FSTL5: variants seen among roughly 807,000 people sequenced by gnomAD.
FSTL5 encodes the protein follistatin-related protein 5.
Under a neutral mutation model 89.1 loss-of-function variants are expected in FSTL5, and 62 were observed. The observed-to-expected ratio is 0.70, with a 90% confidence interval of 0.57 to 0.86. The LOEUF is 0.86. Ranked by LOEUF, FSTL5 falls within the 40% of genes least tolerant of loss-of-function variation. FSTL5 has a pLI of 0.00. For synonymous variants in FSTL5, 383 were observed against 346.2 expected, an observed-to-expected ratio of 1.11 and a Z score of -1.18; for missense variants, 1,057 against 1,001.6, an observed-to-expected ratio of 1.06 and a Z score of -0.75.
chr4:161,836,365 T>A (rs1253761378), intron 4 of FSTL5, among the ~76,000 whole-genome samples: 1 of 149,788 alleles, frequency 6.7e-6, no homozygotes, highest in Non-Finnish European at 1.5e-5. Flanking sequence ...AATGACGAGT[T>A]AATGGGTGCA....
chr4:161,785,282 T>G (rs565538841), intron 4 of FSTL5, among the ~76,000 whole-genome samples: 9 of 152,170 alleles, frequency 5.9e-5, no homozygotes, highest in Non-Finnish European at 1.0e-4. Context: ...TTTCTGCAAA[T>G]TTATGTGAAA....
chr4:161,742,288 G>A (rs1331806046), intron 6 of FSTL5, among the ~76,000 whole-genome samples: 1 of 152,134 alleles, frequency 6.6e-6, no homozygotes, highest in East Asian at 1.9e-4. Flanking sequence ...CCTGTAAAGG[G>A]ACTGGATTAA....
chr4:161,853,684 A>G, intron 4 of FSTL5, among the ~76,000 whole-genome samples: 1 of 152,140 alleles, frequency 6.6e-6, no homozygotes, highest in East Asian at 1.9e-4. Flanking sequence ...GTTTGATATT[A>G]TTGGCATAAC....
Position 161,834,906 on chromosome 4 carries a change from C to T in FSTL5, c.410-58832G>A, listed in dbSNP as rs564778572. On this transcript the variant is annotated intron_variant, in intron 4 of 15. Transcript: ENST00000306100. Reference sequence around the variant, plus strand: ...GGTAATTTATAGATTCAATGCCATCCCCATCAAGCTACCAATGACTTTCTT... The same window carrying T: ...GGTAATTTATAGATTCAATGCCATCTCCATCAAGCTACCAATGACTTTCTT... Among the ~76,000 whole-genome samples, 470 of 151,086 alleles carry T rather than the reference C, an allele frequency of 3.1e-3. 1 individual carries two copies. Among genetic ancestry groups the T allele is most frequent in the Non-Finnish European group, 3.6e-3 (243 of 67,870 alleles).
At chr4:161,807,232 T>C (rs1262099830) in intron 4 of FSTL5, among the ~76,000 whole-genome samples, 1 of 124,048 alleles carries the variant, frequency 8.1e-6, no homozygotes, top group Non-Finnish European at 1.6e-5. Context: ...CACACACATA[T>C]ATATTTGTAG....
intron 7 of FSTL5, among the ~76,000 whole-genome samples, chr4:161,640,606 C>G (rs1382962655): frequency 5.3e-5 from 8 of 152,092 alleles, no homozygotes; most frequent in Non-Finnish European, 1.0e-4. Flanking sequence ...AGTAGTAAAT[C>G]ATGAAGCCTC....
Position 161,421,079 on chromosome 4 carries a change from T to C in FSTL5, c.1841+33925A>G, listed in dbSNP as rs182940837. Among the ~76,000 whole-genome samples, 528 of 152,150 alleles carry C rather than the reference T, an allele frequency of 3.5e-3. 13 individuals carry two copies. The East Asian group carries it at 0.054, about 16-fold the overall frequency. ...AGTAGAGGCTGGGCACTGTGGCTCA[T>C]GCCTGTAATCCCAGCACTTTGGGAG... On this transcript the variant is annotated intron_variant, in intron 15 of 15. Coordinates refer to ENST00000306100, the MANE Select transcript of FSTL5 (RefSeq NM_020116.5).
chr4:161,938,738 C>A (rs1734498808), intron 3 of FSTL5, among the ~76,000 whole-genome samples: 1 of 151,936 alleles, frequency 6.6e-6, no homozygotes, highest in African/African-American at 2.4e-5. Context: ...CCTTTGATTT[C>A]TACTTTGTCA....
At chr4:161,885,444 T>TA (rs894917347) in intron 4 of FSTL5, among the ~76,000 whole-genome samples, 5 of 152,166 alleles carry the variant, frequency 3.3e-5, no homozygotes, top group African/African-American at 1.2e-4. Flanking sequence ...TCCATATTTT[T>TA]AAAATTTATT....
At chr4:161,689,789 A>G (rs1358572023) in intron 6 of FSTL5, among the ~76,000 whole-genome samples, 13 of 152,106 alleles carry the variant, frequency 8.5e-5, no homozygotes, top group African/African-American at 3.1e-4. Context: ...TGTATCCATT[A>G]AGCAACTACT....
chr4:162,020,515 C>T (rs1325283327), intron 3 of FSTL5, among the ~76,000 whole-genome samples: 2 of 152,034 alleles, frequency 1.3e-5, no homozygotes, highest in Non-Finnish European at 2.9e-5. Flanking sequence ...CCATAGTTAA[C>T]ACTCACCATA....
intron 1 of FSTL5, among the ~76,000 whole-genome samples, chr4:162,155,517 A>C (rs2110747334): frequency 6.6e-6 from 1 of 152,338 alleles, no homozygotes; most frequent in East Asian, 1.9e-4. Flanking sequence ...TATGTGGCTA[A>C]GTCTGTGATA....
At position 162,068,050 on chromosome 4, in the gene FSTL5, A is replaced by T. The variant is rs187218185; in HGVS notation, c.127-34392T>A. Among the ~76,000 whole-genome samples, 164 of 151,964 alleles carry T rather than the reference A, an allele frequency of 1.1e-3. 1 individual carries two copies. Among genetic ancestry groups the T allele is most frequent in the African/African-American group, 3.3e-3 (138 of 41,530 alleles). Reference sequence around the variant, plus strand: ...ACCAGAGCTCAAGGAAACAATAAAAAATGACACAAACAAATGGAAAAACAT... The same window carrying T: ...ACCAGAGCTCAAGGAAACAATAAAATATGACACAAACAAATGGAAAAACAT... On this transcript the variant is annotated intron_variant, in intron 2 of 15. Coordinates refer to ENST00000306100, the MANE Select transcript of FSTL5 (RefSeq NM_020116.5).
chr4:162,006,105 T>TAAAA (rs555341783), intron 3 of FSTL5, among the ~76,000 whole-genome samples: 4 of 151,798 alleles, frequency 2.6e-5, no homozygotes, highest in African/African-American at 9.7e-5. Flanking sequence ...GCTTTTTTTT[T>TAAAA]AAAATATTAT....
chr4:161,992,498 G>A (rs924702571), intron 3 of FSTL5, among the ~76,000 whole-genome samples: 1 of 151,988 alleles, frequency 6.6e-6, no homozygotes, highest in East Asian at 1.9e-4. Flanking sequence ...GGGAAAGACA[G>A]GGGGAGGAGC....
chr4:161,739,832 A>G (rs11933833), intron 6 of FSTL5, among the ~76,000 whole-genome samples: 84,312 of 151,764 alleles, frequency 0.56, 26,798 homozygotes, highest in Non-Finnish European at 0.71. Context: ...AAAACTGGGC[A>G]TAATTGGACT....
chr4:161,989,722 G>T (rs1736060128), intron 3 of FSTL5, among the ~76,000 whole-genome samples: 1 of 152,116 alleles, frequency 6.6e-6, no homozygotes, highest in African/African-American at 2.4e-5. Flanking sequence ...GGCAGAGGTT[G>T]CATTGGGAAG....
intron 2 of FSTL5, among the ~76,000 whole-genome samples, chr4:162,048,211 CA>C (rs1237456305): frequency 1.3e-5 from 2 of 151,940 alleles, no homozygotes; most frequent in Non-Finnish European, 2.9e-5. Context: ...CTTGTATTCT[CA>C]GCTACTGGGG....
At chr4:161,861,309 C>G (rs1224104371) in intron 4 of FSTL5, among the ~76,000 whole-genome samples, 1 of 152,112 alleles carries the variant, frequency 6.6e-6, no homozygotes, top group Non-Finnish European at 1.5e-5. Context: ...GCAATCGCAG[C>G]TGCTTGGGAG....
Sources: allele counts gnomAD v4.1 joint callset (sites outside exome capture counted in the v4.1 genomes callset), GRCh38; gene constraint gnomAD v4.1.1; transcripts MANE v1.5; gene names NCBI Gene and HGNC (gene_info 2026-07-23, HGNC 2026-07-21).